Variants in CACNA2D1 observed in about 807,000 individuals in gnomAD.
CACNA2D1 encodes the protein voltage-dependent calcium channel subunit alpha-2/delta-1.
Under a neutral mutation model 171.5 loss-of-function variants are expected in CACNA2D1, and 53 were observed. That is an observed-to-expected ratio of 0.31 (90% CI 0.25 to 0.39). The LOEUF (loss-of-function observed/expected upper bound fraction) is 0.39. CACNA2D1 is among the 10% of genes least tolerant of loss of function. CACNA2D1 has a pLI of 1.00. For missense variants in CACNA2D1, 903 were observed against 1,299.8 expected (o/e 0.69, Z 4.69); for synonymous variants, 442 against 443.1 (o/e 1.00, Z 0.03).
chr7:82,388,856 C>T (rs1424274014), intron 1 of CACNA2D1, among the ~76,000 whole-genome samples: 2 of 152,014 alleles, frequency 1.3e-5, no homozygotes, highest in Non-Finnish European at 2.9e-5. Context: ...TGGCTCACGC[C>T]TGTAATCCCA....
At position 82,432,037 on chromosome 7, in the gene CACNA2D1, T is replaced by TAAAAAAAAAAAAAAAAAAAA. The variant is rs34180150; in HGVS notation, c.95+11308_95+11327dup. On this transcript the variant is annotated intron_variant, in intron 1 of 38. Coordinates refer to ENST00000356860, the MANE Select transcript of CACNA2D1 (RefSeq NM_000722.4). ...TGGGCAACAGAACAAGACTCTGTCT[T>TAAAAAAAAAAAAAAAAAAAA]AAAAAAAAAAAAAAAAAAAAATTGG... 8.2e-4 allele frequency among the ~76,000 whole-genome samples: 67 copies of TAAAAAAAAAAAAAAAAAAAA among 82,206 alleles called. 4 individuals are homozygous for TAAAAAAAAAAAAAAAAAAAA. The highest frequency in any genetic ancestry group is 4.6e-3 in the African/African-American group (60 of 13,082). The allele number at this position is 82,206 out of a possible 152,430, so 53.9% of individuals were successfully genotyped here. A position where few individuals can be genotyped will look rare whatever the true frequency, so the allele number is the denominator to read the frequency against.
At chr7:81,963,263 G>C (rs1584197498) in intron 34 of CACNA2D1, among the ~76,000 whole-genome samples, 1 of 151,994 alleles carries the variant, frequency 6.6e-6, no homozygotes, top group South Asian at 2.1e-4. Context: ...TAATGATATA[G>C]TCACTTAATT....
chr7:82,286,162 G>C (rs1329741386), intron 3 of CACNA2D1, among the ~76,000 whole-genome samples: 1 of 151,872 alleles, frequency 6.6e-6, no homozygotes, highest in Non-Finnish European at 1.5e-5. Flanking sequence ...AGCTTTTATA[G>C]ATATTACTTG....
intron 6 of CACNA2D1, among the ~76,000 whole-genome samples, chr7:82,100,686 T>C (rs1448376918): frequency 6.6e-6 from 1 of 152,178 alleles, no homozygotes; most frequent in Non-Finnish European, 1.5e-5. Flanking sequence ...ATATGAAGTG[T>C]ATACACATGT....
intron 22 of CACNA2D1, 148 bp downstream of exon 22, chr7:81,984,487 G>A (rs1796756062): frequency 3.0e-6 from 2 of 668,332 alleles, no homozygotes; most frequent in East Asian, 5.7e-5. Context: ...TGCATGTTTG[G>A]AATGGGTTAG....
At chr7:82,365,540 G>A (rs1324060850) in intron 1 of CACNA2D1, among the ~76,000 whole-genome samples, 1 of 152,160 alleles carries the variant, frequency 6.6e-6, no homozygotes, top group Non-Finnish European at 1.5e-5. Flanking sequence ...TGTGAGTAAG[G>A]GATTCAAATA....
intron 6 of CACNA2D1, among the ~76,000 whole-genome samples, chr7:82,090,937 T>A (rs1051213899): frequency 2.0e-5 from 3 of 151,832 alleles, no homozygotes; most frequent in African/African-American, 7.3e-5. Context: ...TTAAGAAAAG[T>A]CATTTATATG....
At chr7:81,971,898 A>C (rs770358946) in intron 25 of CACNA2D1, 34 bp from the exon 26 acceptor site, 1 of 1,243,484 alleles carries the variant, frequency 8.0e-7, no homozygotes, top group Admixed American at 1.7e-5. Flanking sequence ...TTACACTCAC[A>C]TTTCTAAAAT....
intron 10 of CACNA2D1, among the ~76,000 whole-genome samples, chr7:82,057,765 G>A (rs1329110986): frequency 6.6e-6 from 1 of 152,080 alleles, no homozygotes; most frequent in African/African-American, 2.4e-5. Flanking sequence ...GGCCCCAGGA[G>A]GAGTAAGAGT....
intron 1 of CACNA2D1, among the ~76,000 whole-genome samples, chr7:82,405,783 T>C (rs1296324906): frequency 6.6e-6 from 1 of 152,174 alleles, no homozygotes; most frequent in Non-Finnish European, 1.5e-5. Flanking sequence ...TTTGGGTTTA[T>C]AGTTTAGATG....
At chr7:82,082,553 C>G (rs533681216) in intron 7 of CACNA2D1, among the ~76,000 whole-genome samples, 6 of 151,148 alleles carry the variant, frequency 4.0e-5, no homozygotes, top group Non-Finnish European at 8.8e-5. Flanking sequence ...GGAAAGGGTA[C>G]GTATATGTAA....
intron 3 of CACNA2D1, among the ~76,000 whole-genome samples, chr7:82,213,868 A>T (rs1394043173): frequency 2.6e-5 from 4 of 152,114 alleles, no homozygotes; most frequent in South Asian, 2.1e-4. Context: ...TACTCAGGCT[A>T]CTATAACAAA....
chr7:82,124,918 C>A (rs1003072360), intron 5 of CACNA2D1, among the ~76,000 whole-genome samples: 1 of 151,878 alleles, frequency 6.6e-6, no homozygotes, highest in Non-Finnish European at 1.5e-5. Context: ...AGAAAAGAAA[C>A]CTAGATTTTT....
At chr7:82,277,799 G>C (rs1294171317) in intron 3 of CACNA2D1, among the ~76,000 whole-genome samples, 6 of 149,416 alleles carry the variant, frequency 4.0e-5, no homozygotes, top group Non-Finnish European at 7.4e-5. Context: ...AGGCTGGAGT[G>C]CAGTGGTGTG....
At chr7:82,071,709 C>T (rs556792621) in intron 7 of CACNA2D1, among the ~76,000 whole-genome samples, 192 of 152,238 alleles carry the variant, frequency 1.3e-3, no homozygotes, top group Middle Eastern at 3.4e-3. Flanking sequence ...TATGCATTTC[C>T]TCCTCCTTCC....
chr7:82,194,613 T>C (rs1004436180), intron 3 of CACNA2D1, among the ~76,000 whole-genome samples: 1 of 151,936 alleles, frequency 6.6e-6, no homozygotes, highest in South Asian at 2.1e-4. Context: ...CAATACTCTA[T>C]CATGTTTTCA....
intron 3 of CACNA2D1, among the ~76,000 whole-genome samples, chr7:82,248,744 T>G (rs1376953291): frequency 1.3e-5 from 2 of 151,684 alleles, no homozygotes; most frequent in South Asian, 2.1e-4. Flanking sequence ...TGGGGAAGAA[T>G]AGATGGTTCT....
At chr7:81,952,946 G>T (rs1792780713) in intron 38 of CACNA2D1, among the ~76,000 whole-genome samples, 1 of 151,902 alleles carries the variant, frequency 6.6e-6, no homozygotes, top group South Asian at 2.1e-4. Context: ...TAAATATCTG[G>T]TACCAGTAAA....
intron 3 of CACNA2D1, among the ~76,000 whole-genome samples, chr7:82,328,844 T>C (rs1816949756): frequency 6.6e-6 from 1 of 152,204 alleles, no homozygotes; most frequent in African/African-American, 2.4e-5. Context: ...GTCTTTATTC[T>C]GTTCCAGTAT....
Sources: gnomAD v4.1 joint callset for allele counts (sites outside exome capture counted in the v4.1 genomes callset) on GRCh38, gnomAD v4.1.1 for gene constraint, MANE v1.5 for transcripts, NCBI Gene and HGNC (gene_info 2026-07-23, HGNC 2026-07-21) for gene names.